Variants in TNFRSF19 observed in about 807,000 individuals in gnomAD.
TNFRSF19 encodes the protein TNF receptor superfamily member 19.
A neutral mutation model predicts 46.4 loss-of-function variants in TNFRSF19; 27 were observed. The observed-to-expected ratio is 0.58, with a 90% CI of 0.43 to 0.80. TNFRSF19 has a LOEUF of 0.80. Ranked by LOEUF, TNFRSF19 falls within the 30% of genes least tolerant of loss-of-function variation. The probability of loss-of-function intolerance (pLI) is 0.00; values close to 1 mark genes in which losing one functional copy is unlikely to be tolerated. For missense variants in TNFRSF19, 511 were observed against 530.8 expected (o/e 0.96, Z 0.37); for synonymous variants, 204 against 205.0 (o/e 1.00, Z 0.04).
chr13:23,626,185 A>ATGTGTGTGTGTGTGTG (rs1306222494), intron 4 of TNFRSF19, among the ~76,000 whole-genome samples: 6 of 75,904 alleles, frequency 7.9e-5, no homozygotes, highest in Admixed American at 3.1e-4. Context: ...TTTCTTTAAA[A>ATGTGTGTGTGTGTGTG]TCTGTGTGTG....
intron 5 of TNFRSF19, among the ~76,000 whole-genome samples, chr13:23,645,262 G>A (rs1444274801): frequency 2.0e-5 from 3 of 152,110 alleles, no homozygotes; most frequent in African/African-American, 7.2e-5. Context: ...GAATGCAGTC[G>A]TGTGATCTCA....
chr13:23,581,200 T>A (rs1878401718), intron 1 of TNFRSF19, among the ~76,000 whole-genome samples: 5 of 151,070 alleles, frequency 3.3e-5, no homozygotes, highest in Admixed American at 2.0e-4. Flanking sequence ...CTCTGCGCAC[T>A]GCAAGCTCCC....
intron 3 of TNFRSF19, among the ~76,000 whole-genome samples, chr13:23,614,102 C>T (rs1055014624): frequency 2.0e-5 from 3 of 152,136 alleles, no homozygotes; most frequent in East Asian, 1.9e-4. Flanking sequence ...TTGTCTCCCC[C>T]CTCCTCTCTG....
chr13:23,616,604 T>C (rs1188212877), intron 4 of TNFRSF19, among the ~76,000 whole-genome samples: 1 of 152,134 alleles, frequency 6.6e-6, no homozygotes, highest in Non-Finnish European at 1.5e-5. Context: ...TGTTTTGAGA[T>C]GGAATTTCGC....
intron 3 of TNFRSF19, among the ~76,000 whole-genome samples, chr13:23,613,990 A>G (rs1390695606): frequency 6.6e-6 from 1 of 152,124 alleles, no homozygotes; most frequent in African/African-American, 2.4e-5. Flanking sequence ...ACTTGAGACC[A>G]CCCCGTAATT....
At chr13:23,669,188 T>C in intron 9 of TNFRSF19, 91 bp downstream of exon 9, 1 of 1,472,014 alleles carries the variant, frequency 6.8e-7, no homozygotes, top group South Asian at 1.4e-5. Context: ...GGGAACCTGA[T>C]GAGTTTTTTT....
At chr13:23,584,077 C>A (rs1415629693) in intron 1 of TNFRSF19, among the ~76,000 whole-genome samples, 2 of 152,040 alleles carry the variant, frequency 1.3e-5, no homozygotes, top group African/African-American at 4.8e-5. Flanking sequence ...TTTTATTTAT[C>A]TATTTTTTCT....
chr13:23,615,185 G>A (rs967035536), intron 3 of TNFRSF19, among the ~76,000 whole-genome samples: 1 of 152,268 alleles, frequency 6.6e-6, no homozygotes, highest in East Asian at 1.9e-4. Context: ...TGAACTTGTG[G>A]AAATGATTGT....
intron 4 of TNFRSF19, among the ~76,000 whole-genome samples, chr13:23,625,801 C>T (rs1054922353): frequency 2.6e-5 from 4 of 151,994 alleles, no homozygotes; most frequent in African/African-American, 9.7e-5. Context: ...TATACATATA[C>T]CTATTGGCCT....
intron 2 of TNFRSF19, among the ~76,000 whole-genome samples, chr13:23,592,497 C>A (rs1311847487): frequency 6.6e-6 from 1 of 152,132 alleles, no homozygotes; most frequent in Non-Finnish European, 1.5e-5. Context: ...TGGAAAATGA[C>A]AAATAACCTC....
intron 5 of TNFRSF19, among the ~76,000 whole-genome samples, chr13:23,630,532 A>C (rs1234044822): frequency 6.6e-6 from 1 of 152,102 alleles, no homozygotes; most frequent in Non-Finnish European, 1.5e-5. Flanking sequence ...TAATGGCATT[A>C]ATGTGTGATA....
intron 1 of TNFRSF19, among the ~76,000 whole-genome samples, chr13:23,589,221 C>A (rs1439041199): frequency 6.6e-6 from 1 of 152,278 alleles, no homozygotes; most frequent in Non-Finnish European, 1.5e-5. Context: ...TTGATCTCTT[C>A]TCTGGACATG....
chr13:23,666,562 A>G (rs1951636825), intron 7 of TNFRSF19, among the ~76,000 whole-genome samples: 1 of 152,182 alleles, frequency 6.6e-6, no homozygotes, highest in Non-Finnish European at 1.5e-5. Flanking sequence ...CCATTTTGAC[A>G]TGTCCGCATT....
At chr13:23,590,677 T>G (rs770421198) in intron 2 of TNFRSF19, among the ~76,000 whole-genome samples, 1 of 152,350 alleles carries the variant, frequency 6.6e-6, no homozygotes, top group East Asian at 1.9e-4. Flanking sequence ...TGTTTTTATC[T>G]CTTTCAAATG....
At chr13:23,662,930 GT>G (rs1161973999) in intron 7 of TNFRSF19, among the ~76,000 whole-genome samples, 1 of 152,126 alleles carries the variant, frequency 6.6e-6, no homozygotes, top group African/African-American at 2.4e-5. Context: ...AGACTGTGGG[GT>G]TTTCTAGATA....
intron 5 of TNFRSF19, among the ~76,000 whole-genome samples, chr13:23,631,897 C>T (rs1206063977): frequency 6.6e-6 from 1 of 152,162 alleles, no homozygotes; most frequent in Non-Finnish European, 1.5e-5. Context: ...GGCACTGAAA[C>T]ATTTACTGAA....
At chr13:23,653,287 G>T (rs185442577) in intron 5 of TNFRSF19, among the ~76,000 whole-genome samples, 163 of 152,306 alleles carry the variant, frequency 1.1e-3, no homozygotes, top group Non-Finnish European at 1.7e-3. Flanking sequence ...ATATGGTCAG[G>T]CTCAGCTGCA....
chr13:23,574,583 C>CT (rs1407256725), intron 1 of TNFRSF19, among the ~76,000 whole-genome samples: 1 of 152,134 alleles, frequency 6.6e-6, no homozygotes, highest in African/African-American at 2.4e-5. Context: ...TCTCCCTCTG[C>CT]TTCAGGAGTG....
intron 3 of TNFRSF19, among the ~76,000 whole-genome samples, chr13:23,594,701 A>G (rs900510260): frequency 2.0e-5 from 3 of 152,192 alleles, no homozygotes; most frequent in African/African-American, 7.2e-5. Context: ...GCAGACTTAA[A>G]CGTTCCTGCC....
Sources: gnomAD v4.1 joint callset for allele counts (sites outside exome capture counted in the v4.1 genomes callset) on GRCh38, gnomAD v4.1.1 for gene constraint, MANE v1.5 for transcripts, NCBI Gene and HGNC (gene_info 2026-07-23, HGNC 2026-07-21) for gene names.